Variants in KIF13B observed in about 807,000 individuals in gnomAD.
The protein encoded by KIF13B is kinesin family member 13B, also known as kinesin-like protein KIF13B.
In KIF13B, 127 loss-of-function variants were observed where a neutral mutation model predicts 222.0. That is an observed-to-expected ratio of 0.57 (90% CI 0.50 to 0.66). The LOEUF is 0.66. Ranked by LOEUF, KIF13B falls within the 30% of genes least tolerant of loss-of-function variation. The pLI is 0.00. For synonymous variants in KIF13B, 976 were observed against 919.0 expected (o/e 1.06, Z -1.12); for missense variants, 2,173 against 2,379.0 (o/e 0.91, Z 1.80).
intron 10 of KIF13B, among the ~76,000 whole-genome samples, chr8:29,169,037 G>A (rs759450681): frequency 1.4e-4 from 21 of 152,244 alleles, no homozygotes; most frequent in Non-Finnish European, 3.1e-4. Context: ...CAATGGGCCA[G>A]TAATGGGAAA....
chr8:29,235,006 C>T (rs1815444256), intron 2 of KIF13B, among the ~76,000 whole-genome samples: 1 of 151,878 alleles, frequency 6.6e-6, no homozygotes, highest in African/African-American at 2.4e-5. Flanking sequence ...AAAATATGGA[C>T]TATGGTGCCT....
chr8:29,103,851 A>G (rs1808917679), intron 35 of KIF13B, among the ~76,000 whole-genome samples: 1 of 152,188 alleles, frequency 6.6e-6, no homozygotes, highest in Admixed American at 6.5e-5. Context: ...AAAAGTAGGA[A>G]GGTCCAGAAG....
intron 36 of KIF13B, among the ~76,000 whole-genome samples, chr8:29,096,439 C>CT (rs1808535034): frequency 6.6e-6 from 1 of 151,270 alleles, no homozygotes; most frequent in Non-Finnish European, 1.5e-5. Context: ...AGAGGGACTA[C>CT]AAGTGTGTAC....
chr8:29,110,129 AC>A, intron 32 of KIF13B, 59 bp from the exon 33 acceptor site: 1 of 1,350,626 alleles, frequency 7.4e-7, no homozygotes, highest in Non-Finnish European at 1.0e-6. Flanking sequence ...ACACACGTAC[AC>A]GCGTGCACAC....
At chr8:29,100,473 G>GTT (rs879881712) in intron 35 of KIF13B, among the ~76,000 whole-genome samples, 1 of 145,864 alleles carries the variant, frequency 6.9e-6, no homozygotes. Flanking sequence ...TTAACTCGAG[G>GTT]TTTTTTTTTT....
At chr8:29,240,236 A>G (rs559850744) in intron 2 of KIF13B, among the ~76,000 whole-genome samples, 6 of 151,994 alleles carry the variant, frequency 3.9e-5, no homozygotes, top group African/African-American at 1.2e-4. Flanking sequence ...AAAGGCATTC[A>G]TGTACACATA....
In KIF13B at chr8:29,071,742, T is replaced by G. The variant is rs1356605252; in HGVS notation, c.5096A>C (p.Glu1699Ala). The G allele has an allele frequency of 4.5e-6, 7 of 1,549,644 alleles. No individual in the cohort carries two copies. In the Admixed American group the frequency reaches 7.8e-5, roughly 17 times the overall value. ...SDSEEADEVPEWLREGEFVTV... is the reference protein window; with the variant it reads ...SDSEEADEVPAWLREGEFVTV... ...GACGAACTCGCCCTCTCGGAGCCAC[T>G]CCGGGACCTCGTCAGCTTCCTCGGA... is the stretch of plus-strand genomic sequence containing the variant. Residue 1699 changes from glutamate to alanine, a missense_variant, in exon 39 of 40, where the codon GAG becomes GCG. Glu to Ala is a moderately radical substitution (Grantham distance 107). Around this residue, in one of 2 missense-constraint regions of KIF13B, gnomAD observed 693 missense variants for 656.2 expected, o/e 1.06. Transcript: ENST00000524189. The surrounding 1 kb of genome is among the most constrained non-coding windows in gnomAD (Gnocchi z 4.9).
intron 37 of KIF13B, among the ~76,000 whole-genome samples, chr8:29,076,699 G>T (rs529806130): frequency 1.3e-5 from 2 of 152,226 alleles, no homozygotes; most frequent in African/African-American, 2.4e-5. Flanking sequence ...GCTGCTTTTG[G>T]AAGAAAAGTA....
chr8:29,216,165 T>C (rs556630406), intron 2 of KIF13B, among the ~76,000 whole-genome samples: 1 of 152,340 alleles, frequency 6.6e-6, no homozygotes, highest in Non-Finnish European at 1.5e-5. Flanking sequence ...AAATACCTGG[T>C]ACACTTTAAT....
intron 37 of KIF13B, among the ~76,000 whole-genome samples, chr8:29,076,116 G>A (rs1400518943): frequency 6.6e-6 from 1 of 152,190 alleles, no homozygotes; most frequent in Non-Finnish European, 1.5e-5. Context: ...GGGAAGCCTC[G>A]GGGAGAGAAG....
intron 27 of KIF13B, among the ~76,000 whole-genome samples, chr8:29,123,772 A>G (rs1215433574): frequency 2.6e-5 from 4 of 152,192 alleles, no homozygotes; most frequent in Non-Finnish European, 4.4e-5. Flanking sequence ...CCTTTATGTT[A>G]TCTTTGACAA....
chr8:29,256,116 C>A (rs1007985839), intron 1 of KIF13B, among the ~76,000 whole-genome samples: 1 of 152,228 alleles, frequency 6.6e-6, no homozygotes, highest in African/African-American at 2.4e-5. Flanking sequence ...TCCAGGCACA[C>A]ACTGCATCTT....
intron 11 of KIF13B, among the ~76,000 whole-genome samples, chr8:29,166,550 C>T (rs1219861703): frequency 3.3e-5 from 5 of 152,022 alleles, no homozygotes; most frequent in African/African-American, 1.2e-4. Flanking sequence ...ATAAAAACTA[C>T]AAAATTAGCT....
rs1159154849 is a variant in KIF13B, at chr8:29,099,187, C to A, written c.4270G>T (p.Ala1424Ser). The part of the protein sequence containing the change: ...VSQTTVSRGI[A>S]PAPALSVSPQ... ...GAAACAGAGAGGGCGGGGGCAGGAGCTATTCCTCTGGAAACTGTGGTTTGG... is the reference window on the plus strand; with the variant it reads ...GAAACAGAGAGGGCGGGGGCAGGAGATATTCCTCTGGAAACTGTGGTTTGG... Residue 1424 changes from alanine (A) to serine (S), a missense_variant, in exon 36 of 40, where the codon GCT becomes TCT. Ala to Ser is a moderately conservative substitution (Grantham distance 99). Around this residue, in one of 2 missense-constraint regions of KIF13B, gnomAD observed 693 missense variants for 656.2 expected, o/e 1.06. Transcript: ENST00000524189. The A allele has an allele frequency of 1.2e-6, 2 of 1,613,714 alleles. No individual in the cohort carries two copies. Among genetic ancestry groups the A allele is most frequent in the South Asian group, 2.2e-5 (2 of 91,076 alleles).
intron 37 of KIF13B, among the ~76,000 whole-genome samples, chr8:29,079,663 C>G (rs532548778): frequency 1.1e-3 from 172 of 152,332 alleles, no homozygotes; most frequent in African/African-American, 3.9e-3. Flanking sequence ...ATAATCACTT[C>G]AGAACTTCCC....
intron 11 of KIF13B, among the ~76,000 whole-genome samples, chr8:29,166,296 AC>A (rs890422297): frequency 4.6e-5 from 7 of 152,348 alleles, no homozygotes; most frequent in African/African-American, 1.4e-4. Context: ...AATCATCCTG[AC>A]CATGTCTCTT....
chr8:29,167,650 C>T, intron 10 of KIF13B, 65 bp from the exon 11 acceptor site: 1 of 1,343,232 alleles, frequency 7.4e-7, no homozygotes. Context: ...TATGAGAAAC[C>T]TGAAATCAAA....
At chr8:29,202,486 T>A (rs1303097380) in intron 2 of KIF13B, among the ~76,000 whole-genome samples, 1 of 152,116 alleles carries the variant, frequency 6.6e-6, no homozygotes, top group Non-Finnish European at 1.5e-5. Flanking sequence ...CCCAGCTAAT[T>A]TTTGTACTTT....
At chr8:29,156,679 AT>A (rs570502495) in intron 13 of KIF13B, among the ~76,000 whole-genome samples, 7,086 of 144,516 alleles carry the variant, frequency 0.049, 337 homozygotes, top group African/African-American at 0.12. Flanking sequence ...TGACCAACTA[AT>A]TTTTTTTTTT....
Sources: gnomAD v4.1 joint callset for allele counts (sites outside exome capture counted in the v4.1 genomes callset) on GRCh38, gnomAD v4.1.1 for gene constraint, gnomAD v4.1.1 regional missense constraint, Gnocchi (gnomAD v3.1) non-coding constraint, MANE v1.5 for transcripts, NCBI Gene and HGNC (gene_info 2026-07-23, HGNC 2026-07-21) for gene names.